The following EHMT1 variants were observed in gnomAD, a reference collection of about 807,000 sequenced individuals.
The protein encoded by EHMT1 is euchromatic histone lysine methyltransferase 1.
In EHMT1, 15 loss-of-function variants were observed where a neutral mutation model predicts 147.2. The observed-to-expected ratio is 0.10, with a 90% confidence interval of 0.07 to 0.16. The LOEUF is 0.16. Among genes scored for constraint, EHMT1 ranks in the 10% least tolerant of loss-of-function variants. EHMT1 has a pLI of 1.00. For missense variants in EHMT1, 1,587 were observed against 1,772.4 expected, an observed-to-expected ratio of 0.90 and a Z score of 1.88; for synonymous variants, 795 against 709.6, an observed-to-expected ratio of 1.12 and a Z score of -1.91.
At chr9:137,638,827 G>A (rs1013307916) in intron 1 of EHMT1, among the ~76,000 whole-genome samples, 3 of 152,112 alleles carry the variant, frequency 2.0e-5, no homozygotes, top group African/African-American at 4.8e-5. Context: ...GCGCATGACT[G>A]GGGTGATGCT....
At chr9:137,764,485 C>T (rs2136398412) in intron 10 of EHMT1, 1 of 152,374 alleles carries the variant, frequency 6.6e-6, no homozygotes, top group Non-Finnish European at 1.5e-5. Context: ...GCTCCTCTGT[C>T]ACCAGCGTTC....
At chr9:137,779,160 C>T (rs911895960) in intron 13 of EHMT1, among the ~76,000 whole-genome samples, 1 of 152,202 alleles carries the variant, frequency 6.6e-6, no homozygotes, top group Non-Finnish European at 1.5e-5. Context: ...GCTTAGTCAT[C>T]GAGTTAAGGT....
At chr9:137,675,487 A>G (rs976930735) in intron 1 of EHMT1, among the ~76,000 whole-genome samples, 2 of 152,022 alleles carry the variant, frequency 1.3e-5, no homozygotes, top group African/African-American at 4.8e-5. Context: ...TTTTTGAGAT[A>G]GAGTCTTGCT....
rs45450992 is a variant in EHMT1, at chr9:137,754,290, C to T, written c.1368C>T (p.Leu456=). The T allele has an allele frequency of 0.083, 133,633 of 1,613,744 alleles. 6,156 individuals are homozygous for T. The highest frequency in any genetic ancestry group is 0.16 in the Middle Eastern group (994 of 6,048). Residue 456 remains leucine, a splice_region_variant and synonymous_variant, in exon 8 of 27, where the codon CTC becomes CTT. Coordinates refer to ENST00000460843, the MANE Select transcript of EHMT1 (RefSeq NM_024757.5). ...RRSRKKPSGA[L]GSESYKSSAG... ...GTAGAAAGAAGCCCAGCGGTGCCCTCGGTAAATGCCGTGGGGGTGTGGGCC... is the reference window on the plus strand; with the variant it reads ...GTAGAAAGAAGCCCAGCGGTGCCCTTGGTAAATGCCGTGGGGGTGTGGGCC...
Position 137,815,954 on chromosome 9 carries a change from G to T in EHMT1, c.3266G>T (p.Arg1089Leu). 1 of 1,605,048 alleles carries T rather than the reference G, an allele frequency of 6.2e-7. No homozygotes were observed. Among genetic ancestry groups the T allele is most frequent in the Non-Finnish European group, 8.5e-7 (1 of 1,175,880 alleles). Residue 1089 changes from arginine (R) to leucine (L), a missense_variant, in exon 23 of 27, where the codon CGG (arginine) becomes CTG (leucine). Around this residue, in one of 7 missense-constraint regions of EHMT1, gnomAD observed 156 missense variants for 252.5 expected, o/e 0.62. Transcript: ENST00000460843. ...CTGCTCATCTGTCCACAGGATGGCC[G>T]GCTCCTGCCAGAGTTCAACATGGCG... is the stretch of plus-strand genomic sequence containing the variant. The part of the protein sequence containing the change: ...SMRCWYDKDG[R>L]LLPEFNMAEP...
At chr9:137,800,107 G>C (rs1953333295) in intron 17 of EHMT1, among the ~76,000 whole-genome samples, 2 of 152,236 alleles carry the variant, frequency 1.3e-5, no homozygotes, top group Admixed American at 1.3e-4. Flanking sequence ...CGTGGAGGCT[G>C]CTGTGTCTGT....
At chr9:137,809,434 C>T (rs1423044391) in intron 18 of EHMT1, among the ~76,000 whole-genome samples, 3 of 152,158 alleles carry the variant, frequency 2.0e-5, no homozygotes, top group African/African-American at 7.2e-5. Context: ...CGGAGGGAGG[C>T]GGGGCAGAGC....
In EHMT1 at chr9:137,835,213, G is replaced by A; in HGVS notation, c.*260G>A. The A allele has an allele frequency of 2.6e-6, 1 of 378,328 alleles. No individual in the cohort carries two copies. Among genetic ancestry groups the A allele is most frequent in the Non-Finnish European group, 4.7e-6 (1 of 214,544 alleles). 23.4% of individuals were successfully genotyped at this position (378,328 alleles called of 1,614,324 possible). On this transcript the variant is annotated 3_prime_UTR_variant, in exon 27 of 27. Transcript: ENST00000460843. ...CTTTGGTCCGCGCGCCAGAGACGCT[G>A]GGAGTCCGCACTGGCATCACCTTCT... is the stretch of plus-strand genomic sequence containing the variant.
At chr9:137,750,337 G>A (rs911753741) in intron 6 of EHMT1, among the ~76,000 whole-genome samples, 3 of 152,204 alleles carry the variant, frequency 2.0e-5, no homozygotes, top group Non-Finnish European at 2.9e-5. Flanking sequence ...TTCTCCACAC[G>A]TGGGTTGTCT....
intron 8 of EHMT1, 48 bp from the exon 9 acceptor site, chr9:137,757,832 C>A (rs533606910): frequency 1.9e-6 from 3 of 1,610,554 alleles, no homozygotes; most frequent in South Asian, 2.2e-5. Flanking sequence ...TGGGTGGGTG[C>A]GGCCGCCTGG....
intron 1 of EHMT1, among the ~76,000 whole-genome samples, chr9:137,645,312 G>C (rs1844807745): frequency 6.6e-6 from 1 of 152,248 alleles, no homozygotes; most frequent in Non-Finnish European, 1.5e-5. Flanking sequence ...ATATGTTTTT[G>C]TGGCCCAGGG....
rs541015610 is a variant in EHMT1 at position 137,670,546 on chromosome 9, C to T, written c.22-40421C>T. Among the ~76,000 whole-genome samples the T allele has an allele frequency of 1.1e-4, 16 of 152,288 alleles. No homozygotes were observed. In the East Asian group the frequency reaches 3.1e-3, roughly 29 times the overall value. ...TTCATGGCTTCCCATCTGCCTCCCT[C>T]CTCTTTGCCCTTCTTGCAGGTGCTT... On this transcript the variant is annotated intron_variant, in intron 1 of 26. Transcript: ENST00000460843.
intron 1 of EHMT1, among the ~76,000 whole-genome samples, chr9:137,661,558 T>C (rs902550984): frequency 2.7e-5 from 4 of 150,886 alleles, no homozygotes; most frequent in African/African-American, 9.8e-5. Context: ...CAATCTCGGC[T>C]CACTGCAACC....
At chr9:137,649,832 T>C (rs1013682397) in intron 1 of EHMT1, among the ~76,000 whole-genome samples, 3 of 152,164 alleles carry the variant, frequency 2.0e-5, no homozygotes, top group African/African-American at 7.2e-5. Flanking sequence ...CCTCCAGAAC[T>C]GCGAAAAGAT....
At chr9:137,780,317 ACGG>A (rs2136789018) in intron 14 of EHMT1, among the ~76,000 whole-genome samples, 2 of 97,910 alleles carry the variant, frequency 2.0e-5, no homozygotes, top group African/African-American at 8.4e-5. Flanking sequence ...TGTGGTGATG[ACGG>A]CATCACTGAG....
chr9:137,708,973 C>G (rs1004943631), intron 1 of EHMT1, among the ~76,000 whole-genome samples: 7 of 152,220 alleles, frequency 4.6e-5, no homozygotes, highest in Non-Finnish European at 8.8e-5. Context: ...GAGCTGTGCT[C>G]ACAGGCCATC....
Position 137,776,592 on chromosome 9 carries a change from ATT to A in EHMT1, c.1792-18_1792-17del. 1 of 1,603,196 alleles carries A rather than the reference ATT, an allele frequency of 6.2e-7. No individual in the cohort carries two copies. The highest frequency in any genetic ancestry group is 8.5e-7 in the Non-Finnish European group (1 of 1,171,508). The stretch of plus-strand genomic sequence containing the variant: ...AATATTAACCCCAATTAAAACAAAA[ATT>A]TTTTTTTGTCCTCCCATTTTTAGGG... On this transcript the variant is annotated intron_variant, in intron 11 of 26. Coordinates refer to ENST00000460843, the MANE Select transcript of EHMT1 (RefSeq NM_024757.5). This position sits in a 1 kb window ranked among gnomAD's most constrained non-coding sequence, Gnocchi z 4.4.
At chr9:137,823,926 T>C (rs1955636112) in intron 25 of EHMT1, among the ~76,000 whole-genome samples, 2 of 152,240 alleles carry the variant, frequency 1.3e-5, no homozygotes, top group South Asian at 4.1e-4. Context: ...CTTCTGACTC[T>C]GATGTACATA....
intron 3 of EHMT1, among the ~76,000 whole-genome samples, chr9:137,725,041 G>T (rs551668032): frequency 6.7e-6 from 1 of 150,208 alleles, no homozygotes; most frequent in Non-Finnish European, 1.5e-5. Context: ...CCTTCGTGGG[G>T]CATTCGTGGG....
Sources: allele counts gnomAD v4.1 joint callset (sites outside exome capture counted in the v4.1 genomes callset), GRCh38; gene constraint gnomAD v4.1.1; regional missense constraint gnomAD v4.1.1; non-coding constraint Gnocchi (gnomAD v3.1); transcripts MANE v1.5; gene names NCBI Gene and HGNC (gene_info 2026-07-23, HGNC 2026-07-21).